Variants in TMEM255B observed in about 807,000 individuals in gnomAD.
The protein encoded by TMEM255B is family with sequence similarity 70, member B.
Under a neutral mutation model 34.5 loss-of-function variants are expected in TMEM255B, and 35 were observed. That is an observed-to-expected ratio of 1.01 (90% CI 0.77 to 1.34). The LOEUF (loss-of-function observed/expected upper bound fraction) is 1.34, where lower values mean the gene tolerates loss of function less well. Among genes scored for constraint, TMEM255B ranks in the 40% most tolerant of loss-of-function variants. TMEM255B has a pLI of 0.00. For synonymous variants in TMEM255B, 206 were observed against 201.2 expected, an observed-to-expected ratio of 1.02 and a Z score of -0.20; for missense variants, 432 against 433.2, an observed-to-expected ratio of 1.00 and a Z score of 0.02.
intron 3 of TMEM255B, among the ~76,000 whole-genome samples, chr13:113,792,143 T>C (rs1289652424): frequency 6.6e-6 from 1 of 152,292 alleles, no homozygotes; most frequent in Non-Finnish European, 1.5e-5. Flanking sequence ...TGTGTTTTTA[T>C]GTATTTGTTC....
At chr13:113,779,848 A>T (rs2050640259) in intron 3 of TMEM255B, among the ~76,000 whole-genome samples, 1 of 152,242 alleles carries the variant, frequency 6.6e-6, no homozygotes, top group Admixed American at 6.5e-5. Context: ...TGGAATTTTA[A>T]CAACAGGTGT....
chr13:113,798,185 A>ATGGATGGATGGATGGATG (rs2050975085), intron 4 of TMEM255B, among the ~76,000 whole-genome samples: 2 of 151,694 alleles, frequency 1.3e-5, no homozygotes, highest in African/African-American at 4.8e-5. Flanking sequence ...AGGATGGATG[A>ATGGATGGATGGATGGATG]TGGATGGATG....
At chr13:113,776,455 C>T (rs1000068491) in intron 3 of TMEM255B, among the ~76,000 whole-genome samples, 2 of 152,296 alleles carry the variant, frequency 1.3e-5, no homozygotes, top group South Asian at 2.1e-4. Context: ...GTCGTCCTCC[C>T]GACAGCTACG....
chr13:113,783,578 G>T (rs1337612131), intron 3 of TMEM255B, among the ~76,000 whole-genome samples: 2 of 152,294 alleles, frequency 1.3e-5, no homozygotes, highest in African/African-American at 4.8e-5. Flanking sequence ...CAAGTCAGAC[G>T]TGGAGAAAAT....
chr13:113,768,968 A>T, intron 2 of TMEM255B, 130 bp from the exon 3 acceptor site: 1 of 954,488 alleles, frequency 1.0e-6, no homozygotes, highest in Non-Finnish European at 1.7e-6. Context: ...GAGGTTCTTG[A>T]GGTAGGGATG....
chr13:113,800,670 A>G (rs185745808), intron 5 of TMEM255B, among the ~76,000 whole-genome samples, 157 bp from the exon 6 acceptor site: 1,761 of 152,126 alleles, frequency 0.012, 33 homozygotes, highest in African/African-American at 0.04. Flanking sequence ...CGAGCCCCCA[A>G]GCCTCTGTGT....
In TMEM255B at chr13:113,800,831, C is replaced by T. The variant is rs780977012; in HGVS notation, c.428C>T (p.Thr143Ile). 13 of 1,606,040 alleles carry T rather than the reference C, an allele frequency of 8.1e-6. No individual in the cohort carries two copies. The African/African-American group carries it at 1.1e-4, about 13-fold the overall frequency. ...GACAAGGCCTCTCTGCCCCAGGTCA[C>T]CTGTCACTCCCTGGACGGCAAGTGC... ...YLYDVYQTEV[T>I]CHSLDGKCQL... The change falls in exon 6 of 9, where the codon ACC (threonine) becomes ATC (isoleucine). Residue 143 changes from threonine to isoleucine, a missense_variant. Coordinates refer to ENST00000375353, the MANE Select transcript of TMEM255B (RefSeq NM_182614.4).
rs769949391 is a variant in TMEM255B, at chr13:113,805,006, C to T, written c.791C>T (p.Ser264Leu). Residue 264 changes from serine (S) to leucine (L), a missense_variant, in exon 8 of 9, where the codon TCG becomes TTG. By Grantham distance (145) the Ser-to-Leu change is moderately radical (BLOSUM62 -2). Coordinates refer to ENST00000375353, the MANE Select transcript of TMEM255B (RefSeq NM_182614.4). ...ACGCCCGAGCCCGTCCCGACCTGCT[C>T]GTCCTACCCTCTGCCCCTTCAGGTA... ...RLTPEPVPTC[S>L]SYPLPLQPCS... The T allele has an allele frequency of 7.4e-5, 119 of 1,604,534 alleles. No individual in the cohort carries two copies. The highest frequency in any genetic ancestry group is 2.5e-4 in the African/African-American group (19 of 74,868).
In TMEM255B at chr13:113,806,899, C is replaced by G. The variant is rs951273382; in HGVS notation, c.813+1871C>G. Among the ~76,000 whole-genome samples the G allele has an allele frequency of 2.6e-5, 4 of 152,164 alleles. No individual in the cohort carries two copies. The highest frequency in any genetic ancestry group is 9.7e-5 in the African/African-American group (4 of 41,434). On this transcript the variant is annotated intron_variant, in intron 8 of 8. Transcript: ENST00000375353. This position sits in a 1 kb window ranked among gnomAD's most constrained non-coding sequence, Gnocchi z 4.2. ...TGCAGGTGCTCCCCAAGCGGCTCTA[C>G]ACAGACACAGACTTGGAATCGCATG... is the stretch of plus-strand genomic sequence containing the variant.
chr13:113,780,702 A>C (rs1306314186), intron 3 of TMEM255B, among the ~76,000 whole-genome samples: 1 of 152,226 alleles, frequency 6.6e-6, no homozygotes, highest in African/African-American at 2.4e-5. Context: ...AAGTTATCAG[A>C]AACCTGTATT....
At chr13:113,778,988 G>T (rs1250854977) in intron 3 of TMEM255B, among the ~76,000 whole-genome samples, 2 of 152,234 alleles carry the variant, frequency 1.3e-5, no homozygotes, top group Non-Finnish European at 2.9e-5. Flanking sequence ...GCCGATTTAG[G>T]TCTGGAGTGT....
At position 113,805,673 on chromosome 13, in the gene TMEM255B, C is replaced by T. The variant is rs116120531; in HGVS notation, c.813+645C>T. On this transcript the variant is annotated intron_variant, in intron 8 of 8. Coordinates refer to ENST00000375353, the MANE Select transcript of TMEM255B (RefSeq NM_182614.4). Reference sequence around the variant, plus strand: ...GGGCTGGCCAACCGCTGTGCTGGGGCACCCTAGGTGCTGAGGGTGCTGGTG... The same window carrying T: ...GGGCTGGCCAACCGCTGTGCTGGGGTACCCTAGGTGCTGAGGGTGCTGGTG... Among the ~76,000 whole-genome samples the T allele has an allele frequency of 3.9e-3, 597 of 152,352 alleles. 4 individuals carry two copies. The highest frequency in any genetic ancestry group is 0.014 in the African/African-American group (584 of 41,588).
intron 3 of TMEM255B, among the ~76,000 whole-genome samples, chr13:113,786,949 C>G (rs1313669967): frequency 6.6e-6 from 1 of 152,222 alleles, no homozygotes; most frequent in Non-Finnish European, 1.5e-5. Flanking sequence ...ACTAGTTACA[C>G]ATGTGACATG....
chr13:113,762,674 G>A (rs1384749993), intron 1 of TMEM255B, among the ~76,000 whole-genome samples: 1 of 152,190 alleles, frequency 6.6e-6, no homozygotes, highest in Non-Finnish European at 1.5e-5. Flanking sequence ...TAGCCCAGTG[G>A]GTCTTGCTGG....
In TMEM255B at chr13:113,770,096, C is replaced by G. The variant is rs921527246; in HGVS notation, c.252+936C>G. Among the ~76,000 whole-genome samples, 1 of 152,150 alleles carries G rather than the reference C, an allele frequency of 6.6e-6. No homozygotes were observed. The highest frequency in any genetic ancestry group is 6.5e-5 in the Admixed American group (1 of 15,278). ...TTTTCACACTGCTGATAAAGACGTACCCAAGACTGGGCAGTTTACAAAAGA... is the reference window on the plus strand; with the variant it reads ...TTTTCACACTGCTGATAAAGACGTAGCCAAGACTGGGCAGTTTACAAAAGA... On this transcript the variant is annotated intron_variant, in intron 3 of 8. Coordinates refer to ENST00000375353, the MANE Select transcript of TMEM255B (RefSeq NM_182614.4). The surrounding 1 kb of genome is among the most constrained non-coding windows in gnomAD (Gnocchi z 4.6).
chr13:113,799,551 G>A, intron 5 of TMEM255B, 132 bp downstream of exon 5: 1 of 809,310 alleles, frequency 1.2e-6, no homozygotes. Flanking sequence ...CCCTGCAGCT[G>A]GTGAACCGTT....
At position 113,814,825 on chromosome 13, in the gene TMEM255B, G is replaced by C. The variant is rs1286674170; in HGVS notation, c.*2922G>C. ...AGCCGAGGTCAGTGAGACCCTGGAGGCCGCGGGAGATGGGGTGGAGGGGAT... is the reference window on the plus strand; with the variant it reads ...AGCCGAGGTCAGTGAGACCCTGGAGCCCGCGGGAGATGGGGTGGAGGGGAT... On this transcript the variant is annotated 3_prime_UTR_variant, in exon 9 of 9. Coordinates refer to ENST00000375353, the MANE Select transcript of TMEM255B (RefSeq NM_182614.4). 1 of 148,516 alleles carries C rather than the reference G, an allele frequency of 6.7e-6. No individual in the cohort carries two copies. The highest frequency in any genetic ancestry group is 2.1e-4 in the East Asian group (1 of 4,862). The allele number at this position is 148,516 out of a possible 1,614,324, so 9.2% of individuals were successfully genotyped here. A position where few individuals can be genotyped will look rare whatever the true frequency, so the allele number is the denominator to read the frequency against.
chr13:113,799,941 C>G, intron 5 of TMEM255B: 1 of 1,291,556 alleles, frequency 7.7e-7, no homozygotes, highest in Non-Finnish European at 1.0e-6. Context: ...GGATTCCTGG[C>G]TTTAACTAAA....
At chr13:113,807,502 A>G (rs1378368375) in intron 8 of TMEM255B, among the ~76,000 whole-genome samples, 413 of 33,546 alleles carry the variant, frequency 0.012, no homozygotes, top group Middle Eastern at 0.022. Flanking sequence ...TGGGATGTGG[A>G]GGGTGGTCCT....
Sources: allele counts gnomAD v4.1 joint callset (sites outside exome capture counted in the v4.1 genomes callset), GRCh38; gene constraint gnomAD v4.1.1; non-coding constraint Gnocchi (gnomAD v3.1); transcripts MANE v1.5; gene names NCBI Gene and HGNC (gene_info 2026-07-23, HGNC 2026-07-21).